Variants in RDH12 observed in about 807,000 individuals in gnomAD.
RDH12 encodes the protein retinol dehydrogenase 12.
A neutral mutation model predicts 34.0 loss-of-function variants in RDH12; 21 were observed. The ratio of observed to expected loss-of-function variants is 0.62; its 90% CI spans 0.44 to 0.89. The LOEUF (loss-of-function observed/expected upper bound fraction) is 0.89, where lower values mean the gene tolerates loss of function less well. Among genes scored for constraint, RDH12 ranks in the 40% least tolerant of loss-of-function variants. The pLI is 0.00. For synonymous variants in RDH12, 198 were observed against 169.9 expected (o/e 1.17, Z -1.29); for missense variants, 394 against 398.6 (o/e 0.99, Z 0.10).
chr14:67,728,418 A>G (rs2038218170), intron 7 of RDH12, among the ~76,000 whole-genome samples: 1 of 152,186 alleles, frequency 6.6e-6, no homozygotes, highest in Non-Finnish European at 1.5e-5. Flanking sequence ...TGCCCAAGGA[A>G]GGTTCCTAGC....
At chr14:67,732,712 G>A (rs554507771) in intron 8 of RDH12, among the ~76,000 whole-genome samples, 90 of 152,216 alleles carry the variant, frequency 5.9e-4, no homozygotes, top group African/African-American at 2.0e-3. Flanking sequence ...AAGTAGCTGG[G>A]ATTACGGGTG....
intron 1 of RDH12, among the ~76,000 whole-genome samples, chr14:67,713,435 A>G (rs1403669432): frequency 6.7e-6 from 1 of 149,168 alleles, no homozygotes; most frequent in Non-Finnish European, 1.5e-5. Flanking sequence ...GAGGGGATGT[A>G]CAGCAAAATA....
intron 8 of RDH12, among the ~76,000 whole-genome samples, chr14:67,731,546 C>T (rs1357530416): frequency 2.6e-5 from 4 of 151,892 alleles, no homozygotes; most frequent in Non-Finnish European, 4.4e-5. Flanking sequence ...ACAGTTGCTA[C>T]TCTAGAGTCT....
chr14:67,726,293 G>A, intron 6 of RDH12, 138 bp downstream of exon 6: 2 of 709,174 alleles, frequency 2.8e-6, no homozygotes, highest in South Asian at 1.5e-5. Flanking sequence ...CCATTGGCTT[G>A]TTGTTCACTG....
chr14:67,733,639 A>ATT, intron 8 of RDH12, 107 bp from the exon 9 acceptor site: 3 of 744,664 alleles, frequency 4.0e-6, no homozygotes, highest in Non-Finnish European at 7.1e-6. Flanking sequence ...TGAGTCTGGC[A>ATT]TATATTGTAT....
rs368378559 is a variant in RDH12, at chr14:67,704,939, A to G, written c.-275+3004A>G. 3.6e-4 allele frequency among the ~76,000 whole-genome samples: 55 copies of G among 152,334 alleles called. 1 individual carries two copies. Among genetic ancestry groups the G allele is most frequent in the African/African-American group, 1.2e-3 (49 of 41,576 alleles). On this transcript the variant is annotated intron_variant, in intron 1 of 8. Transcript: ENST00000551171. Reference sequence around the variant, plus strand: ...AGGGGCATCTAAGTCCAGGAACACAATGGATTTTGTGCTGGCACATGCACA... The same window carrying G: ...AGGGGCATCTAAGTCCAGGAACACAGTGGATTTTGTGCTGGCACATGCACA...
At chr14:67,713,814 T>C (rs950091412) in intron 1 of RDH12, among the ~76,000 whole-genome samples, 1 of 152,120 alleles carries the variant, frequency 6.6e-6, no homozygotes, top group Non-Finnish European at 1.5e-5. Flanking sequence ...ATATGTAAAA[T>C]GAACATCGGT....
chr14:67,733,462 T>G (rs1436663193), intron 8 of RDH12, among the ~76,000 whole-genome samples: 2 of 152,254 alleles, frequency 1.3e-5, no homozygotes, highest in Non-Finnish European at 2.9e-5. Flanking sequence ...TTGTTGCAGA[T>G]ATCCTAGAAT....
intron 8 of RDH12, among the ~76,000 whole-genome samples, chr14:67,732,093 C>T (rs917934478): frequency 4.8e-5 from 7 of 147,192 alleles, no homozygotes; most frequent in African/African-American, 1.8e-4. Context: ...CTCCACTGCA[C>T]TCCAGCCTGG....
intron 2 of RDH12, among the ~76,000 whole-genome samples, chr14:67,721,202 C>G (rs895181585): frequency 2.6e-5 from 4 of 152,122 alleles, no homozygotes; most frequent in African/African-American, 9.7e-5. Flanking sequence ...GGAAATTATT[C>G]CTGGGGTCCT....
intron 1 of RDH12, 42 bp downstream of exon 1, chr14:67,701,977 G>A (rs1250731324): frequency 6.6e-6 from 1 of 151,962 alleles, no homozygotes; most frequent in African/African-American, 2.4e-5. Flanking sequence ...AATTTTTGTA[G>A]AGACAGTATC....
intron 7 of RDH12, chr14:67,727,490 T>TTTTTTTTTTTTTG: frequency 2.8e-6 from 1 of 352,572 alleles, no homozygotes; most frequent in Non-Finnish European, 5.4e-6. Flanking sequence ...TTTTTGTTTT[T>TTTTTTTTTTTTTG]TTTTTTTTGA....
At chr14:67,704,184 C>A (rs542928515) in intron 1 of RDH12, among the ~76,000 whole-genome samples, 55 of 152,078 alleles carry the variant, frequency 3.6e-4, no homozygotes, top group Non-Finnish European at 6.5e-4. Flanking sequence ...AAAATCTGTG[C>A]CTAAGAGGTG....
At chr14:67,712,493 C>CAAAAA (rs79758974) in intron 1 of RDH12, among the ~76,000 whole-genome samples, 226 of 38,752 alleles carry the variant, frequency 5.8e-3, no homozygotes, top group Non-Finnish European at 0.01. Context: ...AAAAAACTTG[C>CAAAAA]AAAAAAAAAA....
chr14:67,703,007 T>G (rs2037915665), intron 1 of RDH12, among the ~76,000 whole-genome samples: 1 of 151,592 alleles, frequency 6.6e-6, no homozygotes, highest in African/African-American at 2.4e-5. Flanking sequence ...TTTTGTAGAG[T>G]CAGAGTCTCA....
intron 1 of RDH12, among the ~76,000 whole-genome samples, chr14:67,703,001 G>A (rs1352096263): frequency 2.0e-5 from 3 of 146,422 alleles, no homozygotes; most frequent in African/African-American, 7.7e-5. Context: ...TTTTTTTTTT[G>A]TAGAGTCAGA....
chr14:67,704,590 G>A (rs1162355548), intron 1 of RDH12, among the ~76,000 whole-genome samples: 1 of 152,124 alleles, frequency 6.6e-6, no homozygotes, highest in Non-Finnish European at 1.5e-5. Flanking sequence ...AACTCAGCAG[G>A]TGTCTTAGAG....
chr14:67,723,295 G>A (rs956922178), intron 3 of RDH12, among the ~76,000 whole-genome samples: 1 of 152,136 alleles, frequency 6.6e-6, no homozygotes, highest in Non-Finnish European at 1.5e-5. Context: ...GTGCATTGGT[G>A]TAGTCATAGG....
intron 2 of RDH12, among the ~76,000 whole-genome samples, chr14:67,721,449 T>C: frequency 6.6e-6 from 1 of 152,150 alleles, no homozygotes; most frequent in East Asian, 1.9e-4. Context: ...TCTCACTAAG[T>C]TGCCTAAGCT....
Sources: gnomAD v4.1 joint callset for allele counts (sites outside exome capture counted in the v4.1 genomes callset) on GRCh38, gnomAD v4.1.1 for gene constraint, MANE v1.5 for transcripts, NCBI Gene and HGNC (gene_info 2026-07-23, HGNC 2026-07-21) for gene names.